The following INPP4B variants were observed in gnomAD, a reference collection of about 807,000 sequenced individuals.
INPP4B encodes inositol polyphosphate-4-phosphatase type II B.
INPP4B carries 55 observed loss-of-function variants against 122.5 expected under a neutral mutation model. That is an observed-to-expected ratio of 0.45 (90% CI 0.36 to 0.56). The LOEUF (loss-of-function observed/expected upper bound fraction) is 0.56, where lower values mean the gene tolerates loss of function less well. INPP4B is among the 20% of genes least tolerant of loss of function. The pLI is 0.00. For missense variants in INPP4B, 1,000 were observed against 1,097.7 expected (o/e 0.91, Z 1.26); for synonymous variants, 403 against 388.7 (o/e 1.04, Z -0.43).
intron 2 of INPP4B, among the ~76,000 whole-genome samples, chr4:142,668,697 A>G (rs1756511686): frequency 6.6e-6 from 1 of 152,164 alleles, no homozygotes; most frequent in Non-Finnish European, 1.5e-5. Context: ...ACTTTTGTAC[A>G]CTAACAGTGA....
intron 17 of INPP4B, among the ~76,000 whole-genome samples, chr4:142,150,815 C>T (rs868362111): frequency 5.3e-5 from 8 of 152,262 alleles, no homozygotes; most frequent in Middle Eastern, 3.4e-3. Context: ...TTGGTAGCAT[C>T]AAGAGAAATC....
intron 17 of INPP4B, among the ~76,000 whole-genome samples, chr4:142,153,496 A>G (rs1480893097): frequency 6.6e-6 from 1 of 152,222 alleles, no homozygotes; most frequent in Non-Finnish European, 1.5e-5. Context: ...TATATTCATT[A>G]TACACAGGCA....
intron 9 of INPP4B, among the ~76,000 whole-genome samples, chr4:142,276,309 A>G (rs1748374958): frequency 6.6e-6 from 1 of 151,898 alleles, no homozygotes; most frequent in Non-Finnish European, 1.5e-5. Flanking sequence ...GACATTGCCC[A>G]GTACTTAAAG....
In INPP4B at chr4:142,318,089, C is replaced by T. The variant is rs9654252; in HGVS notation, c.373-3327G>A. On this transcript the variant is annotated intron_variant, in intron 7 of 25. Transcript: ENST00000262992. ...TTATTGAACCTCTTCATGCCAGTTG[C>T]CTTTCAGCCTTTGTGTCAGTTATTT... Among the ~76,000 whole-genome samples the T allele has an allele frequency of 3.7e-3, 558 of 152,228 alleles. 1 individual carries two copies. The highest frequency in any genetic ancestry group is 0.013 in the African/African-American group (530 of 41,532).
chr4:142,491,946 T>C (rs1268630076), intron 2 of INPP4B, among the ~76,000 whole-genome samples: 1 of 152,206 alleles, frequency 6.6e-6, no homozygotes, highest in Non-Finnish European at 1.5e-5. Flanking sequence ...ATGGTTTGGC[T>C]GTGTCCCCAC....
At chr4:142,596,023 A>G (rs1738617655) in intron 2 of INPP4B, among the ~76,000 whole-genome samples, 1 of 151,882 alleles carries the variant, frequency 6.6e-6, no homozygotes, top group African/African-American at 2.4e-5. Flanking sequence ...TAATTGTTGT[A>G]TTTTTAGTAG....
chr4:142,588,366 G>A (rs986657018), intron 2 of INPP4B, among the ~76,000 whole-genome samples: 2 of 151,612 alleles, frequency 1.3e-5, no homozygotes, highest in African/African-American at 4.8e-5. Flanking sequence ...TTTGTCTTTT[G>A]TTTTTGTTGT....
At chr4:142,254,661 A>T (rs1435575645) in intron 11 of INPP4B, among the ~76,000 whole-genome samples, 1 of 152,138 alleles carries the variant, frequency 6.6e-6, no homozygotes, top group Non-Finnish European at 1.5e-5. Context: ...AGAAAAAAGA[A>T]TAAAAAGAAA....
At chr4:142,426,247 C>T (rs985114105) in intron 5 of INPP4B, among the ~76,000 whole-genome samples, 1 of 151,940 alleles carries the variant, frequency 6.6e-6, no homozygotes, top group Non-Finnish European at 1.5e-5. Flanking sequence ...ATTTTATATA[C>T]TTGTCAAGAT....
Position 142,671,226 on chromosome 4 carries a change from GCC to G in INPP4B, c.-191+54611_-191+54612del, listed in dbSNP as rs1756945784. ...TTGAACCATATAAATCTATACTAAGGCCTGGCGATCCACCAATCTCCCTAAAG... is the reference window on the plus strand; with the variant it reads ...TTGAACCATATAAATCTATACTAAGGTGGCGATCCACCAATCTCCCTAAAG... On this transcript the variant is annotated intron_variant, in intron 2 of 25. Coordinates refer to ENST00000262992, the MANE Select transcript of INPP4B (RefSeq NM_001101669.3). Among the ~76,000 whole-genome samples the G allele has an allele frequency of 5.3e-5, 8 of 151,974 alleles. 1 individual carries two copies.
chr4:142,795,957 C>G (rs1445758469), intron 1 of INPP4B, among the ~76,000 whole-genome samples: 1 of 151,974 alleles, frequency 6.6e-6, no homozygotes, highest in Non-Finnish European at 1.5e-5. Context: ...AATTTAATCA[C>G]TATTTCCAAT....
chr4:142,054,337 A>G (rs1461740590), intron 25 of INPP4B, among the ~76,000 whole-genome samples: 1 of 151,666 alleles, frequency 6.6e-6, no homozygotes, highest in Non-Finnish European at 1.5e-5. Flanking sequence ...TTTTATGTGC[A>G]TGTATGAGAT....
chr4:142,166,862 T>C (rs1823010176), intron 16 of INPP4B, among the ~76,000 whole-genome samples: 1 of 151,892 alleles, frequency 6.6e-6, no homozygotes, highest in Non-Finnish European at 1.5e-5. Context: ...CCAGTCAGAA[T>C]GGTGAGTACT....
intron 15 of INPP4B, among the ~76,000 whole-genome samples, chr4:142,186,229 T>C (rs72720417): frequency 0.036 from 5,493 of 152,336 alleles, 156 homozygotes; most frequent in South Asian, 0.071. Context: ...GACTTCATCA[T>C]GTGCCAGGCA....
At chr4:142,400,334 C>T (rs1489984709) in intron 7 of INPP4B, among the ~76,000 whole-genome samples, 1 of 152,126 alleles carries the variant, frequency 6.6e-6, no homozygotes, top group Admixed American at 6.5e-5. Flanking sequence ...AATATTTAAA[C>T]TATCTTAAAA....
At chr4:142,556,343 T>C (rs764531176) in intron 2 of INPP4B, among the ~76,000 whole-genome samples, 2 of 152,192 alleles carry the variant, frequency 1.3e-5, no homozygotes, top group African/African-American at 4.8e-5. Context: ...AGGTAAGTCA[T>C]TACTGGGTCC....
intron 2 of INPP4B, among the ~76,000 whole-genome samples, chr4:142,467,232 G>A (rs909882468): frequency 6.6e-5 from 10 of 152,202 alleles, no homozygotes; most frequent in East Asian, 3.9e-4. Context: ...CAGCTTAAGC[G>A]TGAAAAAGCT....
Position 142,027,311 on chromosome 4 carries a change from G to C in INPP4B, c.*1471C>G, listed in dbSNP as rs574882752. The C allele has an allele frequency of 6.6e-6, 1 of 152,256 alleles. No homozygotes were observed. Among genetic ancestry groups the C allele is most frequent in the African/African-American group, 2.4e-5 (1 of 41,562 alleles). The allele number at this position is 152,256 out of a possible 1,614,324, so 9.4% of individuals were successfully genotyped here. ...AATCCTTATTTCAACAGGAATCCTA[G>C]GCAAGGAGCTATCACATTAGCTATG... On this transcript the variant is annotated 3_prime_UTR_variant, in exon 26 of 26. Transcript: ENST00000262992.
At chr4:142,055,059 G>A (rs1756870224) in intron 25 of INPP4B, among the ~76,000 whole-genome samples, 1 of 151,978 alleles carries the variant, frequency 6.6e-6, no homozygotes, top group East Asian at 1.9e-4. Flanking sequence ...TTACTTACTA[G>A]TTTGAAACTT....
Sources: gnomAD v4.1 joint callset for allele counts (sites outside exome capture counted in the v4.1 genomes callset) on GRCh38, gnomAD v4.1.1 for gene constraint, MANE v1.5 for transcripts, NCBI Gene and HGNC (gene_info 2026-07-23, HGNC 2026-07-21) for gene names.